The following ITPK1 variants were observed in gnomAD, a reference collection of about 807,000 sequenced individuals.
ITPK1 encodes inositol-tetrakisphosphate 1-kinase.
In ITPK1, 21 loss-of-function variants were observed where a neutral mutation model predicts 45.3. The ratio of observed to expected loss-of-function variants is 0.46; its 90% CI spans 0.33 to 0.67. The LOEUF (loss-of-function observed/expected upper bound fraction) is 0.67. Ranked by LOEUF, ITPK1 falls within the 30% of genes least tolerant of loss-of-function variation. The probability of loss-of-function intolerance (pLI) is 0.02; values close to 1 mark genes in which losing one functional copy is unlikely to be tolerated. For missense variants in ITPK1, 474 were observed against 573.5 expected (o/e 0.83, Z 1.77); for synonymous variants, 258 against 253.6 (o/e 1.02, Z -0.16).
chr14:93,038,064 T>A (rs370911724), intron 3 of ITPK1, among the ~76,000 whole-genome samples: 15 of 152,332 alleles, frequency 9.8e-5, no homozygotes, highest in Admixed American at 5.2e-4. Context: ...ATTCTTTTTT[T>A]TTTTTTGAGA....
At chr14:93,026,109 TA>T (rs1018524460) in intron 3 of ITPK1, among the ~76,000 whole-genome samples, 6 of 150,874 alleles carry the variant, frequency 4.0e-5, no homozygotes, top group East Asian at 3.9e-4. Flanking sequence ...AGGCCCTGTC[TA>T]AAAAAAAAGA....
At chr14:92,957,770 A>G (rs1254462023) in intron 8 of ITPK1, among the ~76,000 whole-genome samples, 1 of 152,220 alleles carries the variant, frequency 6.6e-6, no homozygotes, top group African/African-American at 2.4e-5. Flanking sequence ...CAGGCTCCCC[A>G]GGGGAAAATG....
At chr14:92,948,837 C>T (rs555275252) in intron 9 of ITPK1, among the ~76,000 whole-genome samples, 1 of 113,264 alleles carries the variant, frequency 8.8e-6, no homozygotes, top group African/African-American at 4.4e-5. Context: ...GCACCACCCA[C>T]GCTCCAAGTC....
chr14:92,960,788 C>T (rs113962178), intron 7 of ITPK1, among the ~76,000 whole-genome samples: 9 of 152,362 alleles, frequency 5.9e-5, no homozygotes, highest in African/African-American at 1.7e-4. Flanking sequence ...TGGGGACCAA[C>T]GCTGCTGCTC....
intron 2 of ITPK1, among the ~76,000 whole-genome samples, chr14:93,104,016 G>A (rs1892426085): frequency 6.6e-6 from 1 of 152,162 alleles, no homozygotes; most frequent in South Asian, 2.1e-4. Context: ...CAGGTGAGGT[G>A]GCCTCTTGGG....
intron 2 of ITPK1, among the ~76,000 whole-genome samples, chr14:93,108,357 C>T (rs1892606813): frequency 6.6e-6 from 1 of 152,264 alleles, no homozygotes; most frequent in South Asian, 2.1e-4. Flanking sequence ...ACCCTATTTA[C>T]ATCCAGCTGT....
intron 3 of ITPK1, among the ~76,000 whole-genome samples, chr14:93,038,357 C>T (rs1287586392): frequency 6.6e-6 from 1 of 152,070 alleles, no homozygotes; most frequent in African/African-American, 2.4e-5. Context: ...TCTTCTAAAG[C>T]ATTATCATTA....
intron 3 of ITPK1, among the ~76,000 whole-genome samples, chr14:93,044,713 C>T (rs1889706059): frequency 6.6e-6 from 1 of 152,208 alleles, no homozygotes; most frequent in Non-Finnish European, 1.5e-5. Context: ...CGGACAGCAA[C>T]ACGGCAGAGA....
At chr14:93,104,510 G>A (rs933833875) in intron 2 of ITPK1, among the ~76,000 whole-genome samples, 11 of 151,920 alleles carry the variant, frequency 7.2e-5, no homozygotes, top group African/African-American at 2.2e-4. Context: ...ATCGATCGAC[G>A]GCAGCTGGAT....
At chr14:92,945,405 C>A (rs1315646630) in intron 10 of ITPK1, among the ~76,000 whole-genome samples, 2 of 152,240 alleles carry the variant, frequency 1.3e-5, no homozygotes, top group African/African-American at 4.8e-5. Context: ...AACCCCGAGT[C>A]CCCACCTGCC....
intron 3 of ITPK1, among the ~76,000 whole-genome samples, chr14:93,043,501 G>C (rs138557473): frequency 6.6e-6 from 1 of 152,206 alleles, no homozygotes; most frequent in African/African-American, 2.4e-5. Flanking sequence ...AATTCCAAGT[G>C]TCCCTGTCAA....
At chr14:92,982,193 TAAGTCAAC>T (rs1222468443) in intron 5 of ITPK1, among the ~76,000 whole-genome samples, 1 of 152,238 alleles carries the variant, frequency 6.6e-6, no homozygotes, top group Non-Finnish European at 1.5e-5. Context: ...AGGCAGAATC[TAAGTCAAC>T]CCCAAGATCC....
rs554947034 is a variant in ITPK1, at chr14:92,938,300, G to A, written c.*3261C>T. 2 of 637,876 alleles carry A rather than the reference G, an allele frequency of 3.1e-6. No homozygotes were observed. The highest frequency in any genetic ancestry group is 2.5e-5 in the Admixed American group (1 of 40,370). 39.5% of individuals were successfully genotyped at this position (637,876 alleles called of 1,614,324 possible). A position where few individuals can be genotyped will look rare whatever the true frequency, so the allele number is the denominator to read the frequency against. On this transcript the variant is annotated 3_prime_UTR_variant, in exon 11 of 11. Coordinates refer to ENST00000267615, the MANE Select transcript of ITPK1 (RefSeq NM_014216.6). Reference sequence around the variant, plus strand: ...GAAGAGAGGGCAGATACAGACCCCAGGGACATTAGTGAAGCCATTCAGCAG... The same window carrying A: ...GAAGAGAGGGCAGATACAGACCCCAAGGACATTAGTGAAGCCATTCAGCAG...
chr14:93,002,271 G>A (rs1404167297), intron 4 of ITPK1, among the ~76,000 whole-genome samples: 1 of 152,192 alleles, frequency 6.6e-6, no homozygotes, highest in African/African-American at 2.4e-5. Flanking sequence ...AGCCAGGAAG[G>A]TCGGGGCTCC....
chr14:93,017,083 G>A (rs1219948945), intron 3 of ITPK1, among the ~76,000 whole-genome samples: 1 of 152,150 alleles, frequency 6.6e-6, no homozygotes, highest in Admixed American at 6.5e-5. Context: ...GGATGCAGAA[G>A]ACACATAAGA....
chr14:92,957,960 G>C (rs1296625340), intron 8 of ITPK1, among the ~76,000 whole-genome samples: 1 of 152,184 alleles, frequency 6.6e-6, no homozygotes, highest in Non-Finnish European at 1.5e-5. Flanking sequence ...ATGCATCCTG[G>C]AGTCTACGGT....
At chr14:93,041,102 TA>T (rs1566751364) in intron 3 of ITPK1, among the ~76,000 whole-genome samples, 1 of 152,166 alleles carries the variant, frequency 6.6e-6, no homozygotes, top group African/African-American at 2.4e-5. Flanking sequence ...AGGAGGGGGC[TA>T]TTTTGATCAG....
chr14:93,010,946 C>T (rs1417771322), intron 4 of ITPK1, among the ~76,000 whole-genome samples: 1 of 151,922 alleles, frequency 6.6e-6, no homozygotes, highest in Non-Finnish European at 1.5e-5. Context: ...CAGGCATTCA[C>T]AGTAAGCGTG....
intron 3 of ITPK1, chr14:93,067,643 C>G (rs374635873): frequency 6.6e-6 from 1 of 152,070 alleles, no homozygotes; most frequent in Admixed American, 6.6e-5. Context: ...AAGCAACTCA[C>G]GAGCATTTCC....
Sources: gnomAD v4.1 joint callset for allele counts (sites outside exome capture counted in the v4.1 genomes callset) on GRCh38, gnomAD v4.1.1 for gene constraint, MANE v1.5 for transcripts, NCBI Gene and HGNC (gene_info 2026-07-23, HGNC 2026-07-21) for gene names.